Variants in ADSL observed in about 807,000 individuals in gnomAD.
The protein encoded by ADSL is adenylosuccinase.
ADSL carries 44 observed loss-of-function variants against 62.1 expected under a neutral mutation model. The observed-to-expected ratio is 0.71, with a 90% confidence interval of 0.56 to 0.91. The LOEUF (loss-of-function observed/expected upper bound fraction) is 0.91, where lower values mean the gene tolerates loss of function less well. Among genes scored for constraint, ADSL ranks in the 40% least tolerant of loss-of-function variants. The pLI is 0.00. For synonymous variants in ADSL, 198 were observed against 220.5 expected, an observed-to-expected ratio of 0.90 and a Z score of 0.90; for missense variants, 531 against 627.4, an observed-to-expected ratio of 0.85 and a Z score of 1.64.
intron 9 of ADSL, among the ~76,000 whole-genome samples, chr22:40,362,642 C>G (rs1056730066): frequency 6.6e-6 from 1 of 152,186 alleles, no homozygotes; most frequent in African/African-American, 2.4e-5. Flanking sequence ...GAGTGGGGCG[C>G]TACTGCCATT....
At chr22:40,380,998 C>T (rs2047472238) in intron 2 of ADSL, among the ~76,000 whole-genome samples, 1 of 151,980 alleles carries the variant, frequency 6.6e-6, no homozygotes, top group Admixed American at 6.6e-5. Flanking sequence ...ATTGTATTTT[C>T]CCCCATTGAT....
chr22:40,384,841 CAAT>C (rs1278556964), intron 2 of ADSL, among the ~76,000 whole-genome samples: 1 of 152,136 alleles, frequency 6.6e-6, no homozygotes, highest in Non-Finnish European at 1.5e-5. Context: ...AGCTATCCAA[CAAT>C]AAGTTGGAAA....
intron 1 of ADSL, chr22:40,348,588 C>A: frequency 2.5e-6 from 1 of 398,588 alleles, no homozygotes; most frequent in East Asian, 3.6e-5. Flanking sequence ...ACTGTGTTTT[C>A]CAGTGCGGTC....
chr22:40,385,771 G>A (rs746827159), intron 2 of ADSL, among the ~76,000 whole-genome samples: 14 of 152,214 alleles, frequency 9.2e-5, no homozygotes, highest in Non-Finnish European at 7.3e-5. Flanking sequence ...GAAGGTTGCT[G>A]AGCAACCGTG....
intron 6 of ADSL, 23 bp from the exon 7 acceptor site, chr22:40,360,379 G>A (rs757986366): frequency 9.4e-6 from 15 of 1,592,024 alleles, no homozygotes; most frequent in African/African-American, 9.4e-5. Flanking sequence ...TTTAACCTAA[G>A]TCTCTCTTGT....
chr22:40,357,990 C>A (rs1251030758), intron 4 of ADSL, among the ~76,000 whole-genome samples: 1 of 152,056 alleles, frequency 6.6e-6, no homozygotes, highest in Non-Finnish European at 1.5e-5. Context: ...GTTGGCCACG[C>A]TGGTCTCGAA....
downstream of ADSL, among the ~76,000 whole-genome samples, chr22:40,371,947 T>C (rs908189738): frequency 1.3e-5 from 2 of 151,982 alleles, no homozygotes; most frequent in African/African-American, 4.8e-5. Context: ...GATCCGCCCG[T>C]CTCGGGCCTC....
At chr22:40,370,086 T>A (rs926312757), downstream of ADSL, among the ~76,000 whole-genome samples, 1 of 152,150 alleles carries the variant, frequency 6.6e-6, no homozygotes, top group Admixed American at 6.5e-5. Flanking sequence ...ACGCCTGTAA[T>A]CCCAGCACTT....
At chr22:40,357,293 A>G (rs985470270) in intron 4 of ADSL, among the ~76,000 whole-genome samples, 2 of 120,758 alleles carry the variant, frequency 1.7e-5, no homozygotes, top group Admixed American at 2.3e-4. Context: ...CGCTTTTGTC[A>G]TCCAGGCTGG....
intron 2 of ADSL, among the ~76,000 whole-genome samples, chr22:40,374,887 A>T (rs1400139699): frequency 4.6e-5 from 7 of 152,192 alleles, no homozygotes; most frequent in Non-Finnish European, 1.5e-5. Context: ...CTTGCCTCAA[A>T]CAAACACATT....
chr22:40,384,481 TAAAAA>T (rs1021973444), intron 2 of ADSL, among the ~76,000 whole-genome samples: 13 of 151,856 alleles, frequency 8.6e-5, no homozygotes, highest in African/African-American at 2.7e-4. Context: ...AAAAAAAAAT[TAAAAA>T]GAAATACATA....
At chr22:40,364,424 T>C (rs1398111798) in intron 11 of ADSL, 59 bp downstream of exon 11, 1 of 1,440,564 alleles carries the variant, frequency 6.9e-7, no homozygotes, top group African/African-American at 1.4e-5. Context: ...CCTGCTCTCT[T>C]CTCCGTGAAG....
chr22:40,349,249 C>T (rs2044255876), intron 1 of ADSL, among the ~76,000 whole-genome samples: 1 of 152,010 alleles, frequency 6.6e-6, no homozygotes, highest in Non-Finnish European at 1.5e-5. Context: ...CAGGGAAGAC[C>T]TCTTTGAGAA....
Position 40,349,939 on chromosome 22 carries a change from T to G in ADSL, c.261T>G (p.Asp87Glu). 1.1e-5 allele frequency: 18 copies of G among 1,614,194 alleles called. No homozygotes were observed. Among genetic ancestry groups the G allele is most frequent in the Non-Finnish European group, 1.5e-5 (18 of 1,180,020 alleles). ...AAEEEKRLRH[D>E]VMAHVHTFGH... ...AGGAAGAGAAACGTTTACGACATGA[T>G]GTGATGGCTCACGTGCACACATTTG... Residue 87 changes from aspartate (D) to glutamate (E), a missense_variant, in exon 2 of 13, where the codon GAT becomes GAG. Coordinates refer to ENST00000623063, the MANE Select transcript of ADSL (RefSeq NM_000026.4).
chr22:40,360,303 C>A, intron 6 of ADSL, 99 bp from the exon 7 acceptor site: 8 of 962,800 alleles, frequency 8.3e-6, no homozygotes, highest in Non-Finnish European at 1.3e-5. Context: ...TAAAGCAGTC[C>A]TCCTCCGTTA....
At chr22:40,350,984 A>G (rs2044323648) in intron 2 of ADSL, among the ~76,000 whole-genome samples, 1 of 151,684 alleles carries the variant, frequency 6.6e-6, no homozygotes, top group Non-Finnish European at 1.5e-5. Flanking sequence ...GAAGTCCTTC[A>G]AAGACCCTGT....
intron 4 of ADSL, among the ~76,000 whole-genome samples, chr22:40,357,147 C>T (rs572709632): frequency 3.3e-4 from 50 of 151,990 alleles, no homozygotes; most frequent in South Asian, 1.7e-3. Flanking sequence ...CCACCTGCCT[C>T]GGCCTCCCAA....
downstream of ADSL, among the ~76,000 whole-genome samples, chr22:40,372,046 C>G (rs2045612111): frequency 6.6e-6 from 1 of 151,198 alleles, no homozygotes; most frequent in Admixed American, 6.6e-5. Flanking sequence ...TTTTGATAAT[C>G]CTAAGTGAAT....
chr22:40,353,038 T>A (rs1271963389), intron 2 of ADSL, 35 bp from the exon 3 acceptor site: 2 of 1,591,344 alleles, frequency 1.3e-6, no homozygotes, highest in Non-Finnish European at 1.7e-6. Flanking sequence ...TGAGCAAAGC[T>A]GCTAAATATA....
Sources: allele counts gnomAD v4.1 joint callset (sites outside exome capture counted in the v4.1 genomes callset), GRCh38; gene constraint gnomAD v4.1.1; transcripts MANE v1.5; gene names NCBI Gene and HGNC (gene_info 2026-07-23, HGNC 2026-07-21).